PRUNE2: variants seen among roughly 807,000 people sequenced by gnomAD.
PRUNE2 encodes the protein protein prune homolog 2.
In PRUNE2, 164 loss-of-function variants were observed where a neutral mutation model predicts 252.0. The ratio of observed to expected loss-of-function variants is 0.65; its 90% CI spans 0.57 to 0.74. The LOEUF (loss-of-function observed/expected upper bound fraction) is 0.74. Ranked by LOEUF, PRUNE2 falls within the 30% of genes least tolerant of loss-of-function variation. The pLI is 0.00. For missense variants in PRUNE2, 3,495 were observed against 3,711.0 expected (o/e 0.94, Z 1.51); for synonymous variants, 1,292 against 1,350.2 (o/e 0.96, Z 0.94).
rs772705023 is a variant in PRUNE2, at chr9:76,652,521, G to A, written c.8519C>T (p.Thr2840Ile). The A allele has an allele frequency of 5.6e-6, 9 of 1,613,222 alleles. No homozygotes were observed. The Admixed American group carries it at 1.3e-4, about 24-fold the overall frequency. The change falls in exon 11 of 19, where the codon ACC becomes ATC. Residue 2840 changes from threonine (T) to isoleucine (I), a missense_variant. Physicochemically the swap from Thr to Ile is moderately conservative, Grantham distance 89. Coordinates refer to ENST00000376718, the MANE Select transcript of PRUNE2 (RefSeq NM_015225.3). ...CTCAAAAGAATCTGCTTCATCGGGG[G>A]TATCAAGTTCATCCACATTGATGTC... is the stretch of plus-strand genomic sequence containing the variant. ...EIDINVDELD[T>I]PDEADSFEYT...
intron 4 of PRUNE2, among the ~76,000 whole-genome samples, chr9:76,831,366 C>T (rs990650841): frequency 1.3e-5 from 2 of 151,822 alleles, no homozygotes; most frequent in African/African-American, 4.8e-5. Flanking sequence ...CAAAGAAATG[C>T]AGGAAGAAAA....
intron 1 of PRUNE2, among the ~76,000 whole-genome samples, chr9:76,885,374 T>C (rs1462137923): frequency 1.3e-5 from 2 of 152,090 alleles, no homozygotes; most frequent in African/African-American, 4.8e-5. Flanking sequence ...TTTCATGCAA[T>C]AAATGAGACA....
chr9:76,645,424 C>T (rs1415975941), intron 11 of PRUNE2, among the ~76,000 whole-genome samples: 2 of 152,114 alleles, frequency 1.3e-5, no homozygotes. Context: ...CTGGGCTGAG[C>T]CCCCTATTGG....
intron 9 of PRUNE2, among the ~76,000 whole-genome samples, chr9:76,695,125 T>A (rs1453313705): frequency 6.6e-6 from 1 of 152,144 alleles, no homozygotes. Context: ...GATCTCCATC[T>A]CCCAGGTTCA....
chr9:76,749,206 G>A (rs2050399291), intron 6 of PRUNE2, among the ~76,000 whole-genome samples: 1 of 152,198 alleles, frequency 6.6e-6, no homozygotes, highest in Non-Finnish European at 1.5e-5. Context: ...CCCACCAAGT[G>A]GAAAATGCCA....
chr9:76,713,880 TG>T (rs1212431507), intron 6 of PRUNE2, among the ~76,000 whole-genome samples, 159 bp from the exon 7 acceptor site: 1 of 152,218 alleles, frequency 6.6e-6, no homozygotes, highest in Non-Finnish European at 1.5e-5. Flanking sequence ...GAAACTTTCA[TG>T]CTATGGCTTA....
At chr9:76,832,819 A>G (rs999932464) in intron 4 of PRUNE2, among the ~76,000 whole-genome samples, 3 of 152,058 alleles carry the variant, frequency 2.0e-5, no homozygotes, top group African/African-American at 7.2e-5. Context: ...CAGGAGAGAA[A>G]GAAGACATAG....
chr9:76,709,536 T>A lies in PRUNE2; in HGVS notation c.2738A>T (p.Tyr913Phe), dbSNP rs369564004. 6.2e-7 allele frequency: 1 copy of A among 1,614,068 alleles called. No individual in the cohort carries two copies. Among genetic ancestry groups the A allele is most frequent in the South Asian group, 1.1e-5 (1 of 91,084 alleles). The change falls in exon 8 of 19, where the codon TAT (tyrosine) becomes TTT (phenylalanine). Residue 913 changes from tyrosine to phenylalanine, a missense_variant. By Grantham distance (22) the Tyr-to-Phe change is conservative. Coordinates refer to ENST00000376718, the MANE Select transcript of PRUNE2 (RefSeq NM_015225.3). ...LVDPKTRGKV[Y>F]EKVDSWNLFE... ...AAGGTTCCAGGAATCTACCTTTTCA[T>A]ATACCTTGCCCCTAGTTTTAGGATC...
intron 1 of PRUNE2, among the ~76,000 whole-genome samples, chr9:76,889,205 G>C (rs1467790273): frequency 6.6e-6 from 1 of 152,028 alleles, no homozygotes; most frequent in Non-Finnish European, 1.5e-5. Flanking sequence ...AAGTCACAAG[G>C]CCCTGTGTTT....
In PRUNE2 at chr9:76,725,039, A is replaced by T. The variant is rs59092401; in HGVS notation, c.757-11318T>A. 5.8e-3 allele frequency among the ~76,000 whole-genome samples: 880 copies of T among 151,554 alleles called. 8 individuals carry two copies. The highest frequency in any genetic ancestry group is 0.02 in the African/African-American group (816 of 41,400). ...TGATTTCTATAATTATGTATAGATT[A>T]AAAAAAAAGTCCCTGTTGGCTTGTT... is the stretch of plus-strand genomic sequence containing the variant. On this transcript the variant is annotated intron_variant, in intron 6 of 18. Coordinates refer to ENST00000376718, the MANE Select transcript of PRUNE2 (RefSeq NM_015225.3).
intron 9 of PRUNE2, among the ~76,000 whole-genome samples, chr9:76,685,043 C>T (rs190640615): frequency 2.6e-3 from 400 of 152,164 alleles, no homozygotes; most frequent in Non-Finnish European, 4.4e-3. Context: ...TGAGCCACCG[C>T]GCCCGGCCAC....
chr9:76,764,191 T>C (rs1201547713), intron 6 of PRUNE2, among the ~76,000 whole-genome samples: 2 of 151,992 alleles, frequency 1.3e-5, no homozygotes, highest in African/African-American at 2.4e-5. Context: ...ATGTCACTGC[T>C]CTCATGGAGC....
At chr9:76,788,360 T>A in intron 6 of PRUNE2, 1 of 726,008 alleles carries the variant, frequency 1.4e-6, no homozygotes, top group Non-Finnish European at 2.6e-6. Context: ...AGTTGATAGT[T>A]ATTATATATA....
intron 2 of PRUNE2, among the ~76,000 whole-genome samples, chr9:76,851,713 T>G (rs1019935262): frequency 1.3e-5 from 2 of 152,190 alleles, no homozygotes; most frequent in Non-Finnish European, 2.9e-5. Context: ...CTACAGACTA[T>G]CAGATCGTGA....
At chr9:76,894,635 T>C (rs1436999247) in intron 1 of PRUNE2, among the ~76,000 whole-genome samples, 2 of 151,714 alleles carry the variant, frequency 1.3e-5, no homozygotes, top group Non-Finnish European at 2.9e-5. Flanking sequence ...TCCAGGATGA[T>C]CTTCTGCCTC....
intron 6 of PRUNE2, among the ~76,000 whole-genome samples, chr9:76,750,010 G>A (rs1329116153): frequency 6.6e-6 from 1 of 152,040 alleles, no homozygotes; most frequent in Non-Finnish European, 1.5e-5. Context: ...CACTTGGTGG[G>A]CTTCTGGGTG....
intron 11 of PRUNE2, among the ~76,000 whole-genome samples, chr9:76,645,672 A>G (rs551197637): frequency 9.8e-5 from 15 of 152,346 alleles, no homozygotes; most frequent in African/African-American, 1.4e-4. Flanking sequence ...TTTTTATTAA[A>G]AAAATAAGCA....
rs76725773 is a variant in PRUNE2, at chr9:76,826,525, C to A, written c.661+55G>T. ...TTCTCAGGTCTGATGATGCTCCATG[C>A]CACAAACCATCCCTACTCGGGAGGG... On this transcript the variant is annotated intron_variant, in intron 5 of 18. Coordinates refer to ENST00000376718, the MANE Select transcript of PRUNE2 (RefSeq NM_015225.3). The A allele has an allele frequency of 5.2e-6, 7 of 1,340,920 alleles. No individual in the cohort carries two copies. The African/African-American group carries it at 5.9e-5, about 11-fold the overall frequency. 83.1% of individuals were successfully genotyped at this position (1,340,920 alleles called of 1,614,324 possible).
At chr9:76,785,145 C>G (rs890055622) in intron 6 of PRUNE2, 3 of 152,222 alleles carry the variant, frequency 2.0e-5, no homozygotes, top group Non-Finnish European at 2.9e-5. Context: ...CTCCCATGCA[C>G]CTAAACAAAA....
Sources: allele counts gnomAD v4.1 joint callset (sites outside exome capture counted in the v4.1 genomes callset), GRCh38; gene constraint gnomAD v4.1.1; transcripts MANE v1.5; gene names NCBI Gene and HGNC (gene_info 2026-07-23, HGNC 2026-07-21).